PDE4D: variants seen among roughly 807,000 people sequenced by gnomAD.
PDE4D encodes phosphodiesterase 4D.
Under a neutral mutation model 87.4 loss-of-function variants are expected in PDE4D, and 24 were observed. That is an observed-to-expected ratio of 0.27 (90% confidence interval 0.20 to 0.39). The LOEUF (loss-of-function observed/expected upper bound fraction) is 0.39, where lower values mean the gene tolerates loss of function less well. PDE4D is among the 10% of genes least tolerant of loss of function. The pLI, the probability that PDE4D is intolerant of heterozygous loss-of-function variation, is 1.00. For synonymous variants in PDE4D, 384 were observed against 383.2 expected, an observed-to-expected ratio of 1.00 and a Z score of -0.02; for missense variants, 714 against 1,041.0, an observed-to-expected ratio of 0.69 and a Z score of 4.32.
At chr5:59,966,293 A>G (rs1485146654) in intron 3 of PDE4D, among the ~76,000 whole-genome samples, 2 of 152,238 alleles carry the variant, frequency 1.3e-5, no homozygotes, top group Admixed American at 1.3e-4. Context: ...AAAGTATATT[A>G]GAGCTTTTCT....
chr5:60,460,543 A>G, intron 1 of PDE4D: 1 of 1,402,052 alleles, frequency 7.1e-7, no homozygotes. Context: ...TACTTTCAAA[A>G]TCTCCTCACT....
intron 1 of PDE4D, chr5:59,592,038 G>T: frequency 4.4e-6 from 2 of 458,120 alleles, no homozygotes; most frequent in Non-Finnish European, 5.7e-6. Context: ...ATAAAGAGGT[G>T]AGTGTGCCAT....
chr5:59,253,058 A>C (rs1760290743), intron 1 of PDE4D, among the ~76,000 whole-genome samples: 1 of 152,162 alleles, frequency 6.6e-6, no homozygotes, highest in South Asian at 2.1e-4. Context: ...TTATACATAA[A>C]AATGTCAAAG....
In PDE4D at chr5:59,787,113, G is replaced by A. The variant is rs1403064604; in HGVS notation, c.455+106055C>T. Among the ~76,000 whole-genome samples, 6 of 152,080 alleles carry A rather than the reference G, an allele frequency of 3.9e-5. No homozygotes were observed. In the East Asian group the frequency reaches 7.7e-4, roughly 20 times the overall value. On this transcript the variant is annotated intron_variant, in intron 1 of 14. Coordinates refer to ENST00000340635, the MANE Select transcript of PDE4D (RefSeq NM_001104631.2). ...CAGCCTATAATCCATTTCCCATAAC[G>A]TTATAACAAAAGTCTTTCTAAAACG...
chr5:60,147,254 G>A (rs1166378856), intron 2 of PDE4D, among the ~76,000 whole-genome samples: 1 of 152,174 alleles, frequency 6.6e-6, no homozygotes, highest in African/African-American at 2.4e-5. Flanking sequence ...TTGAAAGTTG[G>A]TGCCTTATAA....
intron 1 of PDE4D, among the ~76,000 whole-genome samples, chr5:60,383,062 A>C (rs16877976): frequency 0.12 from 18,787 of 152,240 alleles, 1,591 homozygotes; most frequent in East Asian, 0.39. Flanking sequence ...CAGATCTAAA[A>C]AATGTAAGAT....
At chr5:59,768,299 G>C in intron 1 of PDE4D, 2 of 1,598,310 alleles carry the variant, frequency 1.3e-6, no homozygotes, top group Non-Finnish European at 1.7e-6. Flanking sequence ...CTGCTGAGAA[G>C]CATTCTGCGC....
At chr5:59,064,715 A>C (rs1763626998) in intron 5 of PDE4D, among the ~76,000 whole-genome samples, 1 of 152,150 alleles carries the variant, frequency 6.6e-6, no homozygotes, top group Admixed American at 6.6e-5. Flanking sequence ...TTAAAAATGT[A>C]TTTAGAGTAT....
At chr5:59,232,041 G>A (rs182839162) in intron 1 of PDE4D, among the ~76,000 whole-genome samples, 28 of 152,240 alleles carry the variant, frequency 1.8e-4, no homozygotes, top group African/African-American at 6.0e-4. Context: ...ACACAGAACC[G>A]AGATTAACAA....
At position 60,311,830 on chromosome 5, in the gene PDE4D, T is replaced by G. The variant is rs1466258668; in HGVS notation, c.-89-126143A>C. ...CTATCTTCAAGAGACCCATCTCACA[T>G]GCAGTGACACTCATAGGCTCAAAGT... On this transcript the variant is annotated intron_variant, in intron 1 of 16. Coordinates refer to the PDE4D transcript ENST00000502484. 2.0e-5 allele frequency among the ~76,000 whole-genome samples: 3 copies of G among 152,216 alleles called. No homozygotes were observed. In the East Asian group the frequency reaches 5.8e-4, roughly 29 times the overall value.
intron 1 of PDE4D, among the ~76,000 whole-genome samples, chr5:59,462,034 C>T (rs1019673979): frequency 6.6e-6 from 1 of 152,110 alleles, no homozygotes; most frequent in Non-Finnish European, 1.5e-5. Context: ...CTTAGCTATT[C>T]TATGATAGTC....
upstream of PDE4D, among the ~76,000 whole-genome samples, chr5:59,896,611 T>G (rs1751685405): frequency 6.6e-6 from 1 of 152,186 alleles, no homozygotes; most frequent in Non-Finnish European, 1.5e-5. Context: ...CATCGGCATT[T>G]TAAAAAACTC....
chr5:59,576,907 A>G (rs1353291086), intron 1 of PDE4D, among the ~76,000 whole-genome samples: 1 of 152,144 alleles, frequency 6.6e-6, no homozygotes, highest in Non-Finnish European at 1.5e-5. Context: ...TTACTTTAGG[A>G]CTTGTAAGAG....
chr5:59,596,388 C>T (rs1434325475), intron 1 of PDE4D, among the ~76,000 whole-genome samples: 2 of 150,490 alleles, frequency 1.3e-5, no homozygotes, highest in South Asian at 2.1e-4. Flanking sequence ...ATTTTTATTT[C>T]GGCATCTTGA....
At chr5:59,355,090 A>G (rs189568560) in intron 1 of PDE4D, among the ~76,000 whole-genome samples, 1 of 152,348 alleles carries the variant, frequency 6.6e-6, no homozygotes, top group Non-Finnish European at 1.5e-5. Flanking sequence ...TTAAAATTAC[A>G]GATGTGAGGT....
chr5:59,921,590 T>C (rs1295613700), intron 3 of PDE4D, among the ~76,000 whole-genome samples: 1 of 152,192 alleles, frequency 6.6e-6, no homozygotes, highest in Non-Finnish European at 1.5e-5. Flanking sequence ...TAATTGCTGG[T>C]TGCTGGTTAA....
intron 1 of PDE4D, among the ~76,000 whole-genome samples, chr5:60,266,945 G>A (rs1041766613): frequency 6.6e-6 from 1 of 152,178 alleles, no homozygotes; most frequent in African/African-American, 2.4e-5. Context: ...AAGTGCACGT[G>A]TATTATCCCA....
At chr5:59,869,678 T>A (rs935354941) in intron 1 of PDE4D, among the ~76,000 whole-genome samples, 3 of 152,166 alleles carry the variant, frequency 2.0e-5, no homozygotes, top group Non-Finnish European at 4.4e-5. Flanking sequence ...CCTCACCACC[T>A]GCTTGTTTGA....
chr5:60,488,388 G>A (rs996580640), upstream of PDE4D: 1 of 152,086 alleles, frequency 6.6e-6, no homozygotes, highest in East Asian at 1.9e-4. Flanking sequence ...AGCCGTCCCA[G>A]AAACCAAAGG....
Sources: allele counts gnomAD v4.1 joint callset (sites outside exome capture counted in the v4.1 genomes callset), GRCh38; gene constraint gnomAD v4.1.1; transcripts MANE v1.5; gene names NCBI Gene and HGNC (gene_info 2026-07-23, HGNC 2026-07-21).